The following TOX variants were observed in gnomAD, a reference collection of about 807,000 sequenced individuals.
TOX encodes the protein thymocyte selection-associated high mobility group box protein TOX.
In TOX, 11 loss-of-function variants were observed where a neutral mutation model predicts 53.7. The observed-to-expected ratio is 0.20, with a 90% CI of 0.13 to 0.34. The LOEUF is 0.34. Among genes scored for constraint, TOX ranks in the 10% least tolerant of loss-of-function variants. The pLI, the probability that TOX is intolerant of heterozygous loss-of-function variation, is 1.00. For missense variants in TOX, 570 were observed against 664.6 expected, an observed-to-expected ratio of 0.86 and a Z score of 1.56; for synonymous variants, 225 against 245.3, an observed-to-expected ratio of 0.92 and a Z score of 0.77.
intron 3 of TOX, among the ~76,000 whole-genome samples, chr8:58,854,866 C>T (rs929190304): frequency 6.6e-5 from 10 of 152,002 alleles, no homozygotes; most frequent in African/African-American, 2.4e-4. Context: ...TTAATCACTG[C>T]CTAATGTATA....
At chr8:58,988,085 T>A (rs1475436576) in intron 1 of TOX, among the ~76,000 whole-genome samples, 3 of 152,080 alleles carry the variant, frequency 2.0e-5, no homozygotes, top group Non-Finnish European at 4.4e-5. Flanking sequence ...GATGAAAAAA[T>A]ACTATCTATA....
intron 1 of TOX, among the ~76,000 whole-genome samples, chr8:59,054,980 G>GGGAGGGACGGAT (rs1157999628): frequency 2.4e-4 from 31 of 129,902 alleles, no homozygotes; most frequent in Non-Finnish European, 4.6e-4. Context: ...AAGGGACGGA[G>GGGAGGGACGGAT]GGAGGGAGGG....
At chr8:58,929,315 G>A (rs1266360811) in intron 3 of TOX, among the ~76,000 whole-genome samples, 1 of 152,060 alleles carries the variant, frequency 6.6e-6, no homozygotes, top group East Asian at 1.9e-4. Context: ...TTTAATGACT[G>A]TAACAAATGG....
chr8:58,836,439 C>G (rs767457427), intron 5 of TOX, among the ~76,000 whole-genome samples: 8 of 152,166 alleles, frequency 5.3e-5, no homozygotes, highest in Non-Finnish European at 8.8e-5. Context: ...CAACTACCCT[C>G]TTATGGTGAG....
chr8:59,102,487 C>CA (rs1266135600), intron 1 of TOX, among the ~76,000 whole-genome samples: 1 of 152,094 alleles, frequency 6.6e-6, no homozygotes, highest in African/African-American at 2.4e-5. Context: ...CTCGGCCTCC[C>CA]AAAAATACCA....
chr8:58,869,019 A>C (rs899043891), intron 3 of TOX, among the ~76,000 whole-genome samples: 17 of 152,016 alleles, frequency 1.1e-4, no homozygotes, highest in African/African-American at 2.6e-4. Flanking sequence ...CAAGGACATT[A>C]AAAAGCTAAT....
intron 3 of TOX, among the ~76,000 whole-genome samples, chr8:58,873,139 C>T (rs1002670692): frequency 2.5e-4 from 38 of 152,128 alleles, no homozygotes; most frequent in African/African-American, 8.4e-4. Context: ...CTTGTTAATG[C>T]AATTATAACG....
chr8:58,927,668 T>A (rs1812188036), intron 3 of TOX, among the ~76,000 whole-genome samples: 1 of 152,144 alleles, frequency 6.6e-6, no homozygotes, highest in Admixed American at 6.5e-5. Flanking sequence ...CAGATACCAG[T>A]AATGAGAAGA....
At chr8:58,950,191 A>G (rs1352552623) in intron 2 of TOX, among the ~76,000 whole-genome samples, 1 of 148,564 alleles carries the variant, frequency 6.7e-6, no homozygotes, top group Non-Finnish European at 1.5e-5. Flanking sequence ...ATACAATTAC[A>G]TGTGTATAGT....
intron 1 of TOX, among the ~76,000 whole-genome samples, chr8:59,044,102 A>G (rs1294359344): frequency 1.3e-5 from 2 of 152,080 alleles, no homozygotes; most frequent in African/African-American, 4.8e-5. Context: ...CCACAGAATT[A>G]TGCTGGGAGG....
chr8:58,811,442 TTTG>T (rs1302283140), intron 7 of TOX, among the ~76,000 whole-genome samples: 122 of 152,318 alleles, frequency 8.0e-4, no homozygotes, highest in African/African-American at 2.7e-3. Context: ...CCCTCGCAGT[TTTG>T]TTGTGCCACC....
At chr8:58,977,720 C>G (rs1025467187) in intron 1 of TOX, among the ~76,000 whole-genome samples, 1 of 151,976 alleles carries the variant, frequency 6.6e-6, no homozygotes, top group Admixed American at 6.6e-5. Flanking sequence ...ATAGGGAGGT[C>G]TGAGGAGAGG....
At position 59,048,261 on chromosome 8, in the gene TOX, C is replaced by T. The variant is rs556712769; in HGVS notation, c.102+70625G>A. Reference sequence around the variant, plus strand: ...GGTAACTGACAAATTCTGTTCTTGACCATTATCTGTAGCAATAACCAGGAA... The same window carrying T: ...GGTAACTGACAAATTCTGTTCTTGATCATTATCTGTAGCAATAACCAGGAA... On this transcript the variant is annotated intron_variant, in intron 1 of 8. Transcript: ENST00000361421. 5.7e-4 allele frequency among the ~76,000 whole-genome samples: 87 copies of T among 152,240 alleles called. 3 individuals carry two copies. In the South Asian group the frequency reaches 0.018, roughly 31 times the overall value.
intron 3 of TOX, among the ~76,000 whole-genome samples, chr8:58,910,592 T>G (rs1438341702): frequency 3.3e-5 from 5 of 152,250 alleles, no homozygotes; most frequent in African/African-American, 1.2e-4. Flanking sequence ...TATTTGGGAA[T>G]TTTTTCTTTC....
At chr8:59,019,898 C>A (rs1225747230) in intron 1 of TOX, among the ~76,000 whole-genome samples, 2 of 152,124 alleles carry the variant, frequency 1.3e-5, no homozygotes, top group Admixed American at 6.5e-5. Flanking sequence ...ATATTTTTCT[C>A]CTGATGGAAC....
At chr8:59,106,139 AT>A (rs1351279829) in intron 1 of TOX, among the ~76,000 whole-genome samples, 1 of 152,188 alleles carries the variant, frequency 6.6e-6, no homozygotes, top group Non-Finnish European at 1.5e-5. Flanking sequence ...TTTCTCCAAA[AT>A]TCAGAAACAA....
rs570866449 is a variant in TOX, at chr8:58,925,560, A to C, written c.411+13742T>G. On this transcript the variant is annotated intron_variant, in intron 3 of 8. Coordinates refer to ENST00000361421, the MANE Select transcript of TOX (RefSeq NM_014729.3). Reference sequence around the variant, plus strand: ...CCACAAGAGGAAGAAAGTATACGATAACAACCTTTCTCCATTTCACATATG... The same window carrying C: ...CCACAAGAGGAAGAAAGTATACGATCACAACCTTTCTCCATTTCACATATG... Among the ~76,000 whole-genome samples, 167 of 152,306 alleles carry C rather than the reference A, an allele frequency of 1.1e-3. 1 individual carries two copies. The highest frequency in any genetic ancestry group is 3.8e-3 in the African/African-American group (160 of 41,572).
At chr8:58,909,530 C>A (rs149491253) in intron 3 of TOX, among the ~76,000 whole-genome samples, 1 of 152,112 alleles carries the variant, frequency 6.6e-6, no homozygotes, top group African/African-American at 2.4e-5. Context: ...TACCAGTAAC[C>A]TAGGCCTAAC....
At chr8:58,967,116 T>C (rs145379714) in intron 1 of TOX, among the ~76,000 whole-genome samples, 6,160 of 152,036 alleles carry the variant, frequency 0.041, 349 homozygotes, top group African/African-American at 0.12. Context: ...CCTCGTGATC[T>C]GCCCTCCTCG....
Sources: allele counts gnomAD v4.1 joint callset (sites outside exome capture counted in the v4.1 genomes callset), GRCh38; gene constraint gnomAD v4.1.1; transcripts MANE v1.5; gene names NCBI Gene and HGNC (gene_info 2026-07-23, HGNC 2026-07-21).